The following ARHGEF15 variants were observed in gnomAD, a reference collection of about 807,000 sequenced individuals.
The protein encoded by ARHGEF15 is Rho guanine nucleotide exchange factor (GEF) 15.
ARHGEF15 carries 58 observed loss-of-function variants against 79.7 expected under a neutral mutation model. That is an observed-to-expected ratio of 0.73 (90% CI 0.59 to 0.91). The LOEUF (loss-of-function observed/expected upper bound fraction) is 0.91. ARHGEF15 is among the 40% of genes least tolerant of loss of function. The pLI is 0.00. For synonymous variants in ARHGEF15, 442 were observed against 456.0 expected, an observed-to-expected ratio of 0.97 and a Z score of 0.39; for missense variants, 1,012 against 1,108.1, an observed-to-expected ratio of 0.91 and a Z score of 1.23.
At chr17:8,310,767 A>AG (rs955940624) in intron 1 of ARHGEF15, 14 of 150,496 alleles carry the variant, frequency 9.3e-5, no homozygotes, top group Middle Eastern at 3.4e-3. Context: ...GTGGTTCGTG[A>AG]GGGGGGGGTG....
Position 8,321,133 on chromosome 17 carries a change from G to C in ARHGEF15, c.*140G>C. 8.0e-7 allele frequency: 1 copy of C among 1,247,896 alleles called. No homozygotes were observed. Among genetic ancestry groups the C allele is most frequent in the East Asian group, 2.4e-5 (1 of 41,514 alleles). The allele number at this position is 1,247,896 out of a possible 1,614,324, so 77.3% of individuals were successfully genotyped here. ...ACCATAGAGATCGAGCTTCAGGACA[G>C]AGCAGCCAATGAAAACGGCCGCCTG... On this transcript the variant is annotated 3_prime_UTR_variant, in exon 16 of 16. Coordinates refer to ENST00000361926, the MANE Select transcript of ARHGEF15 (RefSeq NM_173728.4).
intron 2 of ARHGEF15, 22 bp downstream of exon 2, chr17:8,312,662 C>T (rs773310104): frequency 3.4e-5 from 54 of 1,606,900 alleles, no homozygotes; most frequent in Middle Eastern, 1.7e-4. Context: ...GGGTGGGGGG[C>T]GCTGGGTGAC....
chr17:8,319,086 C>T lies in ARHGEF15; in HGVS notation c.2113C>T (p.Pro705Ser), dbSNP rs750498025. Reference protein sequence around the residue: ...AQQVPDPSGPPTFRLSLLSNH... With the variant: ...AQQVPDPSGPSTFRLSLLSNH... ...GCAGGTTCCGGATCCATCTGGACCC[C>T]CTACCTTCCGCCTCTCCCTTCTCAG... Residue 705 changes from proline to serine, a missense_variant, in exon 13 of 16, where the codon CCT becomes TCT. This residue lies in a region of ARHGEF15 where 62 missense variants were observed against 101.3 expected (regional missense o/e 0.61). Coordinates refer to ENST00000361926, the MANE Select transcript of ARHGEF15 (RefSeq NM_173728.4). 6.2e-7 allele frequency: 1 copy of T among 1,614,026 alleles called. No individual in the cohort carries two copies. The highest frequency in any genetic ancestry group is 8.5e-7 in the Non-Finnish European group (1 of 1,180,016).
In ARHGEF15 at chr17:8,321,294, C is replaced by A. The variant is rs1047121196; in HGVS notation, c.*301C>A. 2 of 272,772 alleles carry A rather than the reference C, an allele frequency of 7.3e-6. No homozygotes were observed. Among genetic ancestry groups the A allele is most frequent in the Admixed American group, 4.9e-5 (1 of 20,250 alleles). The allele number at this position is 272,772 out of a possible 1,614,324, so 16.9% of individuals were successfully genotyped here. On this transcript the variant is annotated 3_prime_UTR_variant, in exon 16 of 16. Coordinates refer to ENST00000361926, the MANE Select transcript of ARHGEF15 (RefSeq NM_173728.4). ...TGAGTATTCCTGCTATGCTCAGGGC[C>A]AAGGAAGACAAATCTAGGTCATGGC...
At position 8,321,002 on chromosome 17, in the gene ARHGEF15, G is replaced by C; in HGVS notation, c.*9G>C. ...ATGCCCCCCCACCCTAATGCAGGCT[G>C]AGGAGGGGGCACATGTTGGGAGACA... On this transcript the variant is annotated 3_prime_UTR_variant, in exon 16 of 16. Transcript: ENST00000361926. The C allele has an allele frequency of 6.2e-7, 1 of 1,614,052 alleles. No homozygotes were observed.
chr17:8,315,829 A>G lies in ARHGEF15; in HGVS notation c.1496A>G (p.His499Arg). Residue 499 changes from histidine to arginine, a missense_variant, in exon 8 of 16, where the codon CAC (histidine) becomes CGC (arginine). His to Arg is a conservative substitution (Grantham distance 29). Transcript: ENST00000361926. This position sits in a 1 kb window ranked among gnomAD's most constrained non-coding sequence, Gnocchi z 4.3. ...GACTTGTGTGATGTGGTGCATGCCC[A>G]CGCTGTGGGGCCTTTCTCGGTGTAT... ...ISDLCDVVHAHAVGPFSVYVD... is the reference protein window; with the variant it reads ...ISDLCDVVHARAVGPFSVYVD... 1 of 1,609,246 alleles carries G rather than the reference A, an allele frequency of 6.2e-7. No individual in the cohort carries two copies. Among genetic ancestry groups the G allele is most frequent in the Non-Finnish European group, 8.5e-7 (1 of 1,178,966 alleles).
rs769854480 is a variant in ARHGEF15, at chr17:8,315,745, A to C, written c.1422-10A>C. The stretch of plus-strand genomic sequence containing the variant: ...CCCCGCCCCATTGCTTGCTTCCCCA[A>C]TTCCTTCAGGTTTCTAGCAACGCTC... On this transcript the variant is annotated splice_polypyrimidine_tract_variant and intron_variant, in intron 7 of 15. Transcript: ENST00000361926. The surrounding 1 kb of genome is among the most constrained non-coding windows in gnomAD (Gnocchi z 4.3). 2 of 1,608,484 alleles carry C rather than the reference A, an allele frequency of 1.2e-6. No individual in the cohort carries two copies. Among genetic ancestry groups the C allele is most frequent in the Non-Finnish European group, 1.7e-6 (2 of 1,177,470 alleles).
chr17:8,311,555 C>T (rs1005124150), intron 1 of ARHGEF15, among the ~76,000 whole-genome samples: 2 of 152,102 alleles, frequency 1.3e-5, no homozygotes, highest in African/African-American at 4.8e-5. Flanking sequence ...TGATGCACGC[C>T]TCGCAGCCCA....
rs752445774 is a variant in ARHGEF15 at position 8,315,514 on chromosome 17, C to G, written c.1361C>G (p.Thr454Ser). The change falls in exon 7 of 16, where the codon ACC becomes AGC. Residue 454 changes from threonine (T) to serine (S), a missense_variant. By Grantham distance (58) the Thr-to-Ser change is moderately conservative. Transcript: ENST00000361926. This position sits in a 1 kb window ranked among gnomAD's most constrained non-coding sequence, Gnocchi z 4.3. Reference protein sequence around the residue: ...VLSQALRDTLTPRDHHTLFSN... With the variant: ...VLSQALRDTLSPRDHHTLFSN... ...AGCCAGGCACTCCGGGACACGCTCA[C>G]CCCCCGTGATCACCACACACTCTTC... The G allele has an allele frequency of 2.5e-6, 4 of 1,612,318 alleles. No homozygotes were observed. The highest frequency in any genetic ancestry group is 4.5e-5 in the East Asian group (2 of 44,868).
rs764895048 is a variant in ARHGEF15, at chr17:8,312,203, C to A, written c.164C>A (p.Thr55Asn). The A allele has an allele frequency of 1.2e-6, 2 of 1,600,590 alleles. No homozygotes were observed. Among genetic ancestry groups the A allele is most frequent in the Non-Finnish European group, 8.5e-7 (1 of 1,173,016 alleles). ...CCCCGAAACTCCAATGATGCACCAA[C>A]CCCAATGTGCACCCCCATCTTCTGG... ...ELPRNSNDAP[T>N]PMCTPIFWEP... The change falls in exon 2 of 16, where the codon ACC (threonine) becomes AAC (asparagine). Residue 55 changes from threonine to asparagine, a missense_variant. Physicochemically the swap from Thr to Asn is moderately conservative, Grantham distance 65. Coordinates refer to ENST00000361926, the MANE Select transcript of ARHGEF15 (RefSeq NM_173728.4).
chr17:8,315,276 A>C lies in ARHGEF15; in HGVS notation c.1259A>C (p.Glu420Ala). 6.2e-7 allele frequency: 1 copy of C among 1,611,988 alleles called. No homozygotes were observed. Among genetic ancestry groups the C allele is most frequent in the African/African-American group, 1.3e-5 (1 of 74,744 alleles). ...AGCCCCCAGGAGAGGCGCATGCAGG[A>C]GGTGGGAGCTGGAGGTGGGAGATGG... ...TLSPQERRMQ[E>A]SLFEVVTSEA... The change falls in exon 6 of 16, where the codon GAG becomes GCG. Residue 420 changes from glutamate (E) to alanine (A), a missense_variant and splice_region_variant. Physicochemically the swap from Glu to Ala is moderately radical, Grantham distance 107 (BLOSUM62 -1). Coordinates refer to ENST00000361926, the MANE Select transcript of ARHGEF15 (RefSeq NM_173728.4). This position sits in a 1 kb window ranked among gnomAD's most constrained non-coding sequence, Gnocchi z 4.3.
At position 8,315,267 on chromosome 17, in the gene ARHGEF15, G is replaced by A. The variant is rs142119277; in HGVS notation, c.1250G>A (p.Arg417His). The change falls in exon 6 of 16, where the codon CGC (arginine) becomes CAC (histidine). Residue 417 changes from arginine (R) to histidine (H), a missense_variant. By Grantham distance (29) the Arg-to-His change is conservative. Around this residue, in one of 3 missense-constraint regions of ARHGEF15, gnomAD observed 818 missense variants for 882.5 expected, o/e 0.93. Coordinates refer to ENST00000361926, the MANE Select transcript of ARHGEF15 (RefSeq NM_173728.4). This position sits in a 1 kb window ranked among gnomAD's most constrained non-coding sequence, Gnocchi z 4.3. ...LLDTLSPQER[R>H]MQESLFEVVT... is the part of the protein sequence containing the mutation. The stretch of plus-strand genomic sequence containing the variant: ...GATACCCTCAGCCCCCAGGAGAGGC[G>A]CATGCAGGAGGTGGGAGCTGGAGGT... The A allele has an allele frequency of 6.2e-7, 1 of 1,612,904 alleles. No homozygotes were observed. The highest frequency in any genetic ancestry group is 2.2e-5 in the East Asian group (1 of 44,866).
chr17:8,315,217 G>T lies in ARHGEF15; in HGVS notation c.1200G>T (p.Pro400=), dbSNP rs1904931028. The change falls in exon 6 of 16, where the codon CCG becomes CCT. Residue 400 remains proline (P), a synonymous_variant. Coordinates refer to ENST00000361926, the MANE Select transcript of ARHGEF15 (RefSeq NM_173728.4). This position sits in a 1 kb window ranked among gnomAD's most constrained non-coding sequence, Gnocchi z 4.3. ...GCAACACCCTGTGGCAGGAGCTTCC[G>T]GCTGTGCAAGCCAGCGGTCTTCTGG... ...GPRNTLWQEL[P]AVQASGLLDT... 6.2e-7 allele frequency: 1 copy of T among 1,613,572 alleles called. No homozygotes were observed. Among genetic ancestry groups the T allele is most frequent in the African/African-American group, 1.3e-5 (1 of 74,874 alleles).
rs760513702 is a variant in ARHGEF15 at position 8,319,327 on chromosome 17, C to T, written c.2202C>T (p.Arg734=). The change falls in exon 14 of 16, where the codon CGC becomes CGT. Residue 734 remains arginine, a synonymous_variant. Transcript: ENST00000361926. ...LQASSLSDMQ[R]WLGAFPTPGP... Reference sequence around the variant, plus strand: ...TCCCCACCAGATCAGACATGCAGCGCTGGCTGGGAGCCTTCCCAACCCCAG... The same window carrying T: ...TCCCCACCAGATCAGACATGCAGCGTTGGCTGGGAGCCTTCCCAACCCCAG... 6.2e-7 allele frequency: 1 copy of T among 1,614,088 alleles called. No individual in the cohort carries two copies.
In ARHGEF15 at chr17:8,312,394, C is replaced by G. The variant is rs926440781; in HGVS notation, c.355C>G (p.Pro119Ala). The G allele has an allele frequency of 3.1e-6, 5 of 1,611,814 alleles. No homozygotes were observed. In the African/African-American group the frequency reaches 5.3e-5, roughly 17 times the overall value. ...SPEPAPRSPV[P>A]PPKPSGSPCT... is the part of the protein sequence containing the mutation. ...AGAACCTGCTCCCCGGTCTCCAGTC[C>G]CCCCACCCAAGCCGTCTGGGTCACC... The change falls in exon 2 of 16, where the codon CCC becomes GCC. Residue 119 changes from proline to alanine, a missense_variant. By Grantham distance (27) the Pro-to-Ala change is conservative. Transcript: ENST00000361926.
intron 9 of ARHGEF15, 22 bp downstream of exon 9, chr17:8,316,170 G>C: frequency 6.3e-7 from 1 of 1,595,968 alleles, no homozygotes; most frequent in South Asian, 1.1e-5. Flanking sequence ...AGCTGCGGCC[G>C]TTTCTGCCCC....
In ARHGEF15 at chr17:8,320,880, C is replaced by T. The variant is rs1414499123; in HGVS notation, c.2413C>T (p.Leu805=). ...GCTTCCTGGGGCCTTCCCTGCCCAG[C>T]TGGTGTGTGAAGTCACAGGGGAACA... is the stretch of plus-strand genomic sequence containing the variant. ...KGLPGAFPAQ[L]VCEVTGEHER... is the part of the protein sequence containing the mutation. The change falls in exon 16 of 16, where the codon CTG becomes TTG. Residue 805 remains leucine, a synonymous_variant. Transcript: ENST00000361926. The T allele has an allele frequency of 6.2e-7, 1 of 1,613,664 alleles. No individual in the cohort carries two copies. Among genetic ancestry groups the T allele is most frequent in the Non-Finnish European group, 8.5e-7 (1 of 1,179,958 alleles).
rs1904718158 is a variant in ARHGEF15, at chr17:8,312,603, C to T, written c.564C>T (p.Pro188=). The change falls in exon 2 of 16, where the codon CCC becomes CCT. Residue 188 remains proline (P), a synonymous_variant. Coordinates refer to ENST00000361926, the MANE Select transcript of ARHGEF15 (RefSeq NM_173728.4). ...ATGTGAATGGGGAGAGAGAAGCTCC[C>T]CTCACCGGGAGTGGGTCCCAGGAGA... is the stretch of plus-strand genomic sequence containing the variant. ...RADVNGEREA[P]LTGSGSQENG... The T allele has an allele frequency of 1.2e-6, 2 of 1,612,758 alleles. No homozygotes were observed. The highest frequency in any genetic ancestry group is 1.3e-5 in the African/African-American group (1 of 74,874).
chr17:8,315,115 G>T lies in ARHGEF15; in HGVS notation c.1098G>T (p.Trp366Cys). ...CAGCCGTGCTGTCAGAGGAGCTGTGGGGGGTGGGTGAGGATGGGAGTCCTT... is the reference window on the plus strand; with the variant it reads ...CAGCCGTGCTGTCAGAGGAGCTGTGTGGGGTGGGTGAGGATGGGAGTCCTT... ...YRAAVLSEEL[W>C]GVGEDGSPSP... Residue 366 changes from tryptophan (W) to cysteine (C), a missense_variant, in exon 6 of 16, where the codon TGG (tryptophan) becomes TGT (cysteine). Physicochemically the swap from Trp to Cys is radical, Grantham distance 215 (BLOSUM62 -2). Coordinates refer to ENST00000361926, the MANE Select transcript of ARHGEF15 (RefSeq NM_173728.4). The surrounding 1 kb of genome is among the most constrained non-coding windows in gnomAD (Gnocchi z 4.3). The T allele has an allele frequency of 1.9e-6, 3 of 1,614,002 alleles. No homozygotes were observed. Among genetic ancestry groups the T allele is most frequent in the Non-Finnish European group, 2.5e-6 (3 of 1,179,972 alleles).
Sources: allele counts gnomAD v4.1 joint callset (sites outside exome capture counted in the v4.1 genomes callset), GRCh38; gene constraint gnomAD v4.1.1; regional missense constraint gnomAD v4.1.1; non-coding constraint Gnocchi (gnomAD v3.1); transcripts MANE v1.5; gene names NCBI Gene and HGNC (gene_info 2026-07-23, HGNC 2026-07-21).